The following SLCO3A1 variants were observed in gnomAD, a reference collection of about 807,000 sequenced individuals.
SLCO3A1 encodes solute carrier organic anion transporter family member 3A1, also known as PGE1 transporter.
Under a neutral mutation model 63.1 loss-of-function variants are expected in SLCO3A1, and 27 were observed. The ratio of observed to expected loss-of-function variants is 0.43; its 90% CI spans 0.32 to 0.59. SLCO3A1 has a LOEUF of 0.59. Among genes scored for constraint, SLCO3A1 ranks in the 20% least tolerant of loss-of-function variants. SLCO3A1 has a pLI of 0.09. For missense variants in SLCO3A1, 773 were observed against 945.8 expected (o/e 0.82, Z 2.40); for synonymous variants, 473 against 409.9 (o/e 1.15, Z -1.86).
chr15:92,152,017 T>C (rs1406864111), intron 9 of SLCO3A1, among the ~76,000 whole-genome samples: 1 of 152,072 alleles, frequency 6.6e-6, no homozygotes, highest in Admixed American at 6.6e-5. Context: ...GAAAGAAAAA[T>C]ATAGACTTAG....
At position 91,934,360 on chromosome 15, in the gene SLCO3A1, G is replaced by A. The variant is rs926195202; in HGVS notation, c.646+17902G>A. Among the ~76,000 whole-genome samples the A allele has an allele frequency of 3.3e-5, 5 of 152,260 alleles. No homozygotes were observed. In the East Asian group the frequency reaches 9.7e-4, roughly 29 times the overall value. On this transcript the variant is annotated intron_variant, in intron 2 of 9. Coordinates refer to ENST00000318445, the MANE Select transcript of SLCO3A1 (RefSeq NM_013272.4). Reference sequence around the variant, plus strand: ...AATGGCTAGGCAGTGAATGGTCAGGGTCTTGCATTCTTGGCATACCCAGCA... The same window carrying A: ...AATGGCTAGGCAGTGAATGGTCAGGATCTTGCATTCTTGGCATACCCAGCA...
intron 4 of SLCO3A1, among the ~76,000 whole-genome samples, chr15:92,104,990 G>A (rs189571326): frequency 1.4e-3 from 196 of 143,510 alleles, no homozygotes; most frequent in African/African-American, 4.8e-3. Flanking sequence ...CAGCCACCGC[G>A]CCCGGTGTAA....
At chr15:92,166,562 C>T (rs1057489895), downstream of SLCO3A1, among the ~76,000 whole-genome samples, 5 of 152,164 alleles carry the variant, frequency 3.3e-5, no homozygotes, top group Non-Finnish European at 7.4e-5. Context: ...TCCCCTCACT[C>T]ACACTATGGC....
intron 2 of SLCO3A1, among the ~76,000 whole-genome samples, chr15:92,049,843 G>A (rs2046935764): frequency 6.6e-6 from 1 of 152,170 alleles, no homozygotes; most frequent in Non-Finnish European, 1.5e-5. Context: ...GAGGCGGGGA[G>A]GAAAAGAAGA....
intron 4 of SLCO3A1, among the ~76,000 whole-genome samples, chr15:92,116,511 G>A (rs991542617): frequency 1.3e-5 from 2 of 152,216 alleles, no homozygotes; most frequent in African/African-American, 4.8e-5. Flanking sequence ...CAAGTTCTGA[G>A]GCTAAATCGG....
downstream of SLCO3A1, among the ~76,000 whole-genome samples, chr15:92,166,541 G>T (rs1373114176): frequency 3.9e-5 from 6 of 152,102 alleles, no homozygotes; most frequent in Admixed American, 3.9e-4. Context: ...TCCAGTAATT[G>T]CCCTCCAGCT....
At chr15:92,086,373 C>A (rs927394389) in intron 2 of SLCO3A1, among the ~76,000 whole-genome samples, 3 of 152,008 alleles carry the variant, frequency 2.0e-5, no homozygotes, top group Admixed American at 2.0e-4. Flanking sequence ...ATGAGACTGA[C>A]CATTTTCTTA....
chr15:91,876,039 T>C (rs1897390929), intron 1 of SLCO3A1, among the ~76,000 whole-genome samples: 1 of 152,220 alleles, frequency 6.6e-6, no homozygotes, highest in Non-Finnish European at 1.5e-5. Flanking sequence ...GCGTGGTGGC[T>C]CACACCTGTA....
At chr15:91,906,050 T>C (rs1898297063) in intron 1 of SLCO3A1, among the ~76,000 whole-genome samples, 2 of 152,318 alleles carry the variant, frequency 1.3e-5, no homozygotes, top group South Asian at 2.1e-4. Context: ...ATCAATGGGA[T>C]AGTTATCTTC....
At chr15:92,008,348 C>A (rs896197857) in intron 2 of SLCO3A1, among the ~76,000 whole-genome samples, 1 of 152,256 alleles carries the variant, frequency 6.6e-6, no homozygotes, top group Admixed American at 6.5e-5. Flanking sequence ...TGTGCAGTGC[C>A]CCAAAGGCAA....
chr15:92,089,721 T>C (rs1382192028), intron 2 of SLCO3A1, among the ~76,000 whole-genome samples: 1 of 152,110 alleles, frequency 6.6e-6, no homozygotes, highest in Non-Finnish European at 1.5e-5. Context: ...GATTATATAG[T>C]GCGGGAAAAG....
In SLCO3A1 at chr15:91,897,431, A is replaced by G. The variant is rs755971394; in HGVS notation, c.181-18562A>G. 6.6e-6 allele frequency among the ~76,000 whole-genome samples: 1 copy of G among 152,110 alleles called. No individual in the cohort carries two copies. The highest frequency in any genetic ancestry group is 2.1e-4 in the South Asian group (1 of 4,832). ...GTGCCACTGCACTCCAGCCTGGGCA[A>G]TGGAGCGAGACTCTGTCTAAAAACA... On this transcript the variant is annotated intron_variant, in intron 1 of 9. Transcript: ENST00000318445. The surrounding 1 kb of genome is among the most constrained non-coding windows in gnomAD (Gnocchi z 4.7).
chr15:91,902,162 T>C (rs1388375134), intron 1 of SLCO3A1, among the ~76,000 whole-genome samples: 1 of 152,186 alleles, frequency 6.6e-6, no homozygotes, highest in African/African-American at 2.4e-5. Flanking sequence ...AGAATTTCCA[T>C]TTGGTTCCTT....
chr15:92,164,871 A>C lies in SLCO3A1; in HGVS notation c.*1736A>C. 1 of 985,392 alleles carries C rather than the reference A, an allele frequency of 1.0e-6. No individual in the cohort carries two copies. Among genetic ancestry groups the C allele is most frequent in the Non-Finnish European group, 1.2e-6 (1 of 829,912 alleles). 61.0% of individuals were successfully genotyped at this position (985,392 alleles called of 1,614,324 possible). A position where few individuals can be genotyped will look rare whatever the true frequency, so the allele number is the denominator to read the frequency against. On this transcript the variant is annotated 3_prime_UTR_variant, in exon 10 of 10. Coordinates refer to ENST00000318445, the MANE Select transcript of SLCO3A1 (RefSeq NM_013272.4). Reference sequence around the variant, plus strand: ...AGCTTAGGTAAAGGCACACACTCATACACACACAACAAAGGGCCCTGCTAA... The same window carrying C: ...AGCTTAGGTAAAGGCACACACTCATCCACACACAACAAAGGGCCCTGCTAA...
intron 2 of SLCO3A1, among the ~76,000 whole-genome samples, chr15:92,069,553 G>C (rs1204385973): frequency 1.3e-5 from 2 of 152,174 alleles, no homozygotes; most frequent in Non-Finnish European, 2.9e-5. Flanking sequence ...CCTAAACCTG[G>C]CTTGTGTGAT....
intron 2 of SLCO3A1, among the ~76,000 whole-genome samples, chr15:92,081,773 A>T (rs2047349416): frequency 6.6e-6 from 1 of 152,200 alleles, no homozygotes; most frequent in African/African-American, 2.4e-5. Context: ...TCACCTGGGG[A>T]CTTTGGGAAA....
intron 5 of SLCO3A1, among the ~76,000 whole-genome samples, chr15:92,123,209 G>C (rs1306305308): frequency 6.6e-6 from 1 of 152,166 alleles, no homozygotes; most frequent in Non-Finnish European, 1.5e-5. Context: ...TGGATCACCT[G>C]AGGTCAAGAG....
At chr15:92,161,660 A>T (rs1467932550) in intron 9 of SLCO3A1, 2 of 152,240 alleles carry the variant, frequency 1.3e-5, no homozygotes, top group African/African-American at 4.8e-5. Flanking sequence ...ACTCAAGTCC[A>T]ATTTGTGGTG....
At chr15:92,003,941 C>T (rs1414422856) in intron 2 of SLCO3A1, among the ~76,000 whole-genome samples, 2 of 152,208 alleles carry the variant, frequency 1.3e-5, no homozygotes, top group South Asian at 2.1e-4. Flanking sequence ...GCTCACACTG[C>T]TCAGCAGCTG....
Sources: gnomAD v4.1 joint callset for allele counts (sites outside exome capture counted in the v4.1 genomes callset) on GRCh38, gnomAD v4.1.1 for gene constraint, Gnocchi (gnomAD v3.1) non-coding constraint, MANE v1.5 for transcripts, NCBI Gene and HGNC (gene_info 2026-07-23, HGNC 2026-07-21) for gene names.